The following TSPAN5 variants were observed in gnomAD, a reference collection of about 807,000 sequenced individuals.
TSPAN5 encodes the protein tetraspanin 5, also known as tetraspanin-5.
Under a neutral mutation model 37.1 loss-of-function variants are expected in TSPAN5, and 10 were observed. The ratio of observed to expected loss-of-function variants is 0.27; its 90% CI spans 0.17 to 0.46. TSPAN5 has a LOEUF of 0.46. Ranked by LOEUF, TSPAN5 falls within the 20% of genes least tolerant of loss-of-function variation. The pLI is 1.00. For missense variants in TSPAN5, 195 were observed against 326.6 expected (o/e 0.60, Z 3.11); for synonymous variants, 110 against 118.9 (o/e 0.93, Z 0.48).
intron 1 of TSPAN5, among the ~76,000 whole-genome samples, chr4:98,635,538 T>C (rs1443343431): frequency 6.6e-6 from 1 of 152,248 alleles, no homozygotes; most frequent in African/African-American, 2.4e-5. Flanking sequence ...CACAGTTTAA[T>C]AGCCAGCTTG....
At chr4:98,591,947 C>A (rs896237802) in intron 1 of TSPAN5, among the ~76,000 whole-genome samples, 1 of 151,118 alleles carries the variant, frequency 6.6e-6, no homozygotes, top group African/African-American at 2.4e-5. Flanking sequence ...GACTTATACT[C>A]CCTTATTTAA....
intron 1 of TSPAN5, among the ~76,000 whole-genome samples, chr4:98,538,583 A>G (rs550018613): frequency 2.6e-5 from 4 of 152,248 alleles, no homozygotes; most frequent in Non-Finnish European, 5.9e-5. Context: ...CCATTTTGTG[A>G]AAACTAATTC....
intron 2 of TSPAN5, among the ~76,000 whole-genome samples, chr4:98,501,819 G>T (rs1309572066): frequency 2.0e-5 from 3 of 152,232 alleles, no homozygotes; most frequent in Admixed American, 6.5e-5. Context: ...TAGAAGCAGA[G>T]AAGTAAAAGG....
At chr4:98,529,361 G>T (rs774924071) in intron 1 of TSPAN5, among the ~76,000 whole-genome samples, 12 of 152,344 alleles carry the variant, frequency 7.9e-5, no homozygotes, top group East Asian at 3.9e-4. Flanking sequence ...ATTTGAAAAT[G>T]ATTACAACTG....
chr4:98,502,931 G>C (rs1753386900), intron 2 of TSPAN5, among the ~76,000 whole-genome samples: 1 of 151,450 alleles, frequency 6.6e-6, no homozygotes, highest in Non-Finnish European at 1.5e-5. Flanking sequence ...GTCTATCCTG[G>C]ACCTACTGAA....
intron 1 of TSPAN5, among the ~76,000 whole-genome samples, chr4:98,621,516 C>T (rs572075056): frequency 1.1e-4 from 16 of 152,006 alleles, no homozygotes; most frequent in Admixed American, 6.5e-4. Flanking sequence ...TACAGGCAAC[C>T]GCCACCACGT....
intron 2 of TSPAN5, among the ~76,000 whole-genome samples, chr4:98,498,902 C>T (rs1313675031): frequency 3.3e-5 from 5 of 152,200 alleles, no homozygotes; most frequent in East Asian, 3.9e-4. Context: ...GCACTGACCT[C>T]GCTCCCAGAT....
intron 1 of TSPAN5, among the ~76,000 whole-genome samples, chr4:98,580,007 T>C (rs143489050): frequency 2.5e-3 from 385 of 152,356 alleles, no homozygotes; most frequent in African/African-American, 8.7e-3. Context: ...TGTTTTGTGA[T>C]ATTTTAACAG....
At chr4:98,549,287 T>C (rs1754548321) in intron 1 of TSPAN5, among the ~76,000 whole-genome samples, 2 of 144,376 alleles carry the variant, frequency 1.4e-5, no homozygotes, top group African/African-American at 5.7e-5. Flanking sequence ...TATTTTTGTT[T>C]GTTTGTTTGT....
At chr4:98,520,457 T>G (rs1017173320) in intron 1 of TSPAN5, among the ~76,000 whole-genome samples, 1 of 152,172 alleles carries the variant, frequency 6.6e-6, no homozygotes, top group Admixed American at 6.5e-5. Context: ...AGGACTGGCC[T>G]GGGGGCACCT....
At chr4:98,614,934 T>A (rs1209933476) in intron 1 of TSPAN5, among the ~76,000 whole-genome samples, 3 of 152,218 alleles carry the variant, frequency 2.0e-5, no homozygotes, top group Admixed American at 2.0e-4. Context: ...CTCCCTGATA[T>A]ATACACTATG....
rs189464575 is a variant in TSPAN5 at position 98,608,579 on chromosome 4, C to A, written c.81+49567G>T. 3.8e-3 allele frequency among the ~76,000 whole-genome samples: 580 copies of A among 152,260 alleles called. 3 individuals are homozygous for A. The highest frequency in any genetic ancestry group is 6.8e-3 in the Middle Eastern group (2 of 294). On this transcript the variant is annotated intron_variant, in intron 1 of 7. Coordinates refer to ENST00000305798, the MANE Select transcript of TSPAN5 (RefSeq NM_005723.4). ...CAGGTGGCAGCGGAAGAACGAGGCC[C>A]AGGTCACCTGACCCCAATGAGGATG... is the stretch of plus-strand genomic sequence containing the variant.
chr4:98,655,175 T>C (rs1053409701), intron 1 of TSPAN5, among the ~76,000 whole-genome samples: 1 of 152,084 alleles, frequency 6.6e-6, no homozygotes, highest in African/African-American at 2.4e-5. Context: ...TTTTTTGTTT[T>C]TTGTTTGTTT....
chr4:98,566,432 A>G (rs1298730529), intron 1 of TSPAN5, among the ~76,000 whole-genome samples: 1 of 152,206 alleles, frequency 6.6e-6, no homozygotes, highest in African/African-American at 2.4e-5. Flanking sequence ...AGACCTTTGC[A>G]TTAGAAAAAG....
intron 1 of TSPAN5, among the ~76,000 whole-genome samples, chr4:98,634,825 T>C (rs1222366019): frequency 6.6e-6 from 1 of 152,182 alleles, no homozygotes; most frequent in Non-Finnish European, 1.5e-5. Context: ...TGAAAGGGAT[T>C]ATAAACCCAA....
At chr4:98,516,018 C>G (rs913615807) in intron 1 of TSPAN5, among the ~76,000 whole-genome samples, 4 of 152,152 alleles carry the variant, frequency 2.6e-5, no homozygotes, top group Admixed American at 1.3e-4. Flanking sequence ...CTGGTTTTTG[C>G]ATGATATCCT....
intron 4 of TSPAN5, among the ~76,000 whole-genome samples, chr4:98,479,281 G>T (rs1231770887): frequency 6.6e-6 from 1 of 152,154 alleles, no homozygotes; most frequent in African/African-American, 2.4e-5. Context: ...TTAAAGATCT[G>T]TTTTGTTTTA....
At chr4:98,559,436 G>C (rs1482147514) in intron 1 of TSPAN5, among the ~76,000 whole-genome samples, 2 of 152,156 alleles carry the variant, frequency 1.3e-5, no homozygotes, top group Non-Finnish European at 2.9e-5. Flanking sequence ...ATAAATCTGA[G>C]TAAGAAGAGT....
rs1752568404 is a variant in TSPAN5, at chr4:98,470,935, C to T, written c.*1587G>A. On this transcript the variant is annotated 3_prime_UTR_variant, in exon 8 of 8. Coordinates refer to ENST00000305798, the MANE Select transcript of TSPAN5 (RefSeq NM_005723.4). The stretch of plus-strand genomic sequence containing the variant: ...AATCTGTCCGCACCGAAAAATGTGC[C>T]TGTGGTTTTCCCAGAGTTCCACAGA... 1 of 152,204 alleles carries T rather than the reference C, an allele frequency of 6.6e-6. No homozygotes were observed. Among genetic ancestry groups the T allele is most frequent in the African/African-American group, 2.4e-5 (1 of 41,446 alleles). The allele number at this position is 152,204 out of a possible 1,614,324, so 9.4% of individuals were successfully genotyped here.
Sources: allele counts gnomAD v4.1 joint callset (sites outside exome capture counted in the v4.1 genomes callset), GRCh38; gene constraint gnomAD v4.1.1; transcripts MANE v1.5; gene names NCBI Gene and HGNC (gene_info 2026-07-23, HGNC 2026-07-21).